The following PARVB variants were observed in gnomAD, a reference collection of about 807,000 sequenced individuals.
The protein encoded by PARVB is parvin beta, also known as beta-parvin.
PARVB carries 46 observed loss-of-function variants against 47.0 expected under a neutral mutation model. That is an observed-to-expected ratio of 0.98 (90% CI 0.77 to 1.25). PARVB has a LOEUF of 1.25. Ranked by LOEUF, PARVB falls within the 50% of genes most tolerant of loss-of-function variation. The pLI, the probability that PARVB is intolerant of heterozygous loss-of-function variation, is 0.00. For missense variants in PARVB, 473 were observed against 471.6 expected (o/e 1.00, Z -0.03); for synonymous variants, 196 against 196.3 (o/e 1.00, Z 0.01).
chr22:44,161,774 G>C (rs949555255), intron 11 of PARVB, among the ~76,000 whole-genome samples: 1 of 152,288 alleles, frequency 6.6e-6, no homozygotes, highest in South Asian at 2.1e-4. Context: ...CCCGCAGGTC[G>C]CTCCCTGCTC....
intron 2 of PARVB, among the ~76,000 whole-genome samples, chr22:44,018,748 G>A (rs994508796): frequency 6.6e-6 from 1 of 152,104 alleles, no homozygotes; most frequent in Non-Finnish European, 1.5e-5. Flanking sequence ...GCAGACTCCT[G>A]ACCTGGGTGC....
rs1452237690 is a variant in PARVB, at chr22:44,170,986, A to G, written c.*2308A>G. The G allele has an allele frequency of 1.3e-5, 2 of 152,252 alleles. No individual in the cohort carries two copies. The highest frequency in any genetic ancestry group is 2.9e-5 in the Non-Finnish European group (2 of 68,044). The allele number at this position is 152,252 out of a possible 1,614,324, so 9.4% of individuals were successfully genotyped here. On this transcript the variant is annotated 3_prime_UTR_variant, in exon 13 of 13. Coordinates refer to ENST00000338758, the MANE Select transcript of PARVB (RefSeq NM_013327.5). ...TGGAGGTGATTTCCCAGCAGGGGAAAGAAATAATTAAAACAGCATTACGGT... is the reference window on the plus strand; with the variant it reads ...TGGAGGTGATTTCCCAGCAGGGGAAGGAAATAATTAAAACAGCATTACGGT...
At chr22:44,126,374 T>G (rs16991526) in intron 4 of PARVB, among the ~76,000 whole-genome samples, 7,340 of 152,232 alleles carry the variant, frequency 0.048, 577 homozygotes, top group African/African-American at 0.17. Context: ...TGGCCAAAGT[T>G]TTGATGTTTT....
At chr22:44,101,195 G>T (rs1601601760) in intron 3 of PARVB, among the ~76,000 whole-genome samples, 1 of 150,622 alleles carries the variant, frequency 6.6e-6, no homozygotes, top group Non-Finnish European at 1.5e-5. Context: ...GGATCACGAG[G>T]TCAGGAGATC....
intron 1 of PARVB, among the ~76,000 whole-genome samples, chr22:44,048,805 C>T (rs2051158825): frequency 6.6e-6 from 1 of 152,136 alleles, no homozygotes; most frequent in East Asian, 1.9e-4. Flanking sequence ...CATGATCCGC[C>T]TGCCTCGGCC....
chr22:44,122,528 CAGAGAGAG>C (rs1286346736), intron 4 of PARVB, among the ~76,000 whole-genome samples: 1 of 56,154 alleles, frequency 1.8e-5, no homozygotes, highest in Admixed American at 2.3e-4. Context: ...GACAGAGAGA[CAGAGAGAG>C]AGAGAGAGAG....
intron 4 of PARVB, among the ~76,000 whole-genome samples, chr22:44,122,536 GA>G (rs2053082303): frequency 4.2e-5 from 4 of 95,842 alleles, no homozygotes; most frequent in African/African-American, 2.0e-4. Context: ...GACAGAGAGA[GA>G]GAGAGAGAGA....
In PARVB at chr22:44,089,986, A is replaced by G. The variant is rs2052126023; in HGVS notation, c.113-3942A>G. Among the ~76,000 whole-genome samples the G allele has an allele frequency of 6.6e-6, 1 of 152,168 alleles. No individual in the cohort carries two copies. Among genetic ancestry groups the G allele is most frequent in the Non-Finnish European group, 1.5e-5 (1 of 68,028 alleles). On this transcript the variant is annotated intron_variant, in intron 1 of 12. Coordinates refer to ENST00000338758, the MANE Select transcript of PARVB (RefSeq NM_013327.5). This position sits in a 1 kb window ranked among gnomAD's most constrained non-coding sequence, Gnocchi z 4.0. ...CCTGCCTTGTGGTCACTCTTCCTCCAGTCTGTGTCTCTCTTGGAGCCTAAT... is the reference window on the plus strand; with the variant it reads ...CCTGCCTTGTGGTCACTCTTCCTCCGGTCTGTGTCTCTCTTGGAGCCTAAT...
intron 2 of PARVB, among the ~76,000 whole-genome samples, chr22:44,003,583 C>T (rs1368509606): frequency 1.3e-5 from 2 of 152,162 alleles, no homozygotes; most frequent in Admixed American, 6.5e-5. Context: ...GGAATCTGAC[C>T]CTTTCTTTCC....
chr22:44,133,627 C>A (rs1196381300), intron 6 of PARVB, among the ~76,000 whole-genome samples: 1 of 152,226 alleles, frequency 6.6e-6, no homozygotes, highest in Admixed American at 6.5e-5. Flanking sequence ...CAGCCTCAAC[C>A]TCTTGGGCTC....
At chr22:44,052,779 C>T (rs1271518746) in intron 1 of PARVB, among the ~76,000 whole-genome samples, 1 of 152,106 alleles carries the variant, frequency 6.6e-6, no homozygotes, top group African/African-American at 2.4e-5. Context: ...CCTGTCTCTA[C>T]AACAAATACA....
intron 2 of PARVB, among the ~76,000 whole-genome samples, chr22:44,099,027 G>A (rs997922761): frequency 6.6e-6 from 1 of 152,130 alleles, no homozygotes; most frequent in African/African-American, 2.4e-5. Flanking sequence ...AGCCCCATGG[G>A]AGCCTGTCTG....
intron 11 of PARVB, 112 bp from the exon 12 acceptor site, chr22:44,163,746 C>A: frequency 2.3e-6 from 2 of 866,308 alleles, no homozygotes; most frequent in Non-Finnish European, 3.5e-6. Flanking sequence ...TCCTTGTGGA[C>A]GTCAGCGTTG....
In PARVB at chr22:44,128,993, G is replaced by A. The variant is rs188867246; in HGVS notation, c.377-2494G>A. ...CTCGGGAGGCTGAGGCAGGAGGATC[G>A]CTTGAACCTGGGAGGCAGAGGTTGC... On this transcript the variant is annotated intron_variant, in intron 4 of 12. Coordinates refer to ENST00000338758, the MANE Select transcript of PARVB (RefSeq NM_013327.5). 3.3e-3 allele frequency among the ~76,000 whole-genome samples: 508 copies of A among 152,310 alleles called. 4 individuals are homozygous for A. The highest frequency in any genetic ancestry group is 0.011 in the African/African-American group (463 of 41,560).
At chr22:44,072,971 A>G (rs530061337) in intron 1 of PARVB, among the ~76,000 whole-genome samples, 225 of 152,156 alleles carry the variant, frequency 1.5e-3, no homozygotes, top group Middle Eastern at 3.4e-3. Flanking sequence ...GCCTTCTCAC[A>G]TACCTCCCTT....
rs766683924 is a variant in PARVB, at chr22:44,158,003, G to A, written c.865G>A (p.Val289Ile). The change falls in exon 11 of 13, where the codon GTT (valine) becomes ATT (isoleucine). Residue 289 changes from valine (V) to isoleucine (I), a missense_variant. Coordinates refer to ENST00000338758, the MANE Select transcript of PARVB (RefSeq NM_013327.5). ...GCAGTTTGCAGATGGCGTGTACCTG[G>A]TTCTGCTCATGGGCCTTCTGGAAGA... Reference protein sequence around the residue: ...ETQFADGVYLVLLMGLLEDYF... With the variant: ...ETQFADGVYLILLMGLLEDYF... 1 of 1,613,840 alleles carries A rather than the reference G, an allele frequency of 6.2e-7. No homozygotes were observed. Among genetic ancestry groups the A allele is most frequent in the South Asian group, 1.1e-5 (1 of 91,072 alleles).
chr22:44,007,871 G>A (rs1055942041), intron 2 of PARVB, among the ~76,000 whole-genome samples: 9 of 152,008 alleles, frequency 5.9e-5, no homozygotes, highest in Non-Finnish European at 1.3e-4. Context: ...ACTTCCTGTC[G>A]CTATTAATTT....
chr22:44,026,068 T>C (rs142422038), intron 1 of PARVB, among the ~76,000 whole-genome samples: 1 of 152,310 alleles, frequency 6.6e-6, no homozygotes, highest in Non-Finnish European at 1.5e-5. Flanking sequence ...GGAAAAAGTC[T>C]TTCATAGAAT....
chr22:44,135,683 G>A (rs879561925), intron 6 of PARVB, among the ~76,000 whole-genome samples: 13 of 152,258 alleles, frequency 8.5e-5, no homozygotes, highest in South Asian at 8.3e-4. Context: ...TTATTCTCTC[G>A]CAATTATGGA....
Sources: gnomAD v4.1 joint callset for allele counts (sites outside exome capture counted in the v4.1 genomes callset) on GRCh38, gnomAD v4.1.1 for gene constraint, Gnocchi (gnomAD v3.1) non-coding constraint, MANE v1.5 for transcripts, NCBI Gene and HGNC (gene_info 2026-07-23, HGNC 2026-07-21) for gene names.